Variants in SPINK14 observed in about 807,000 individuals in gnomAD.
The protein encoded by SPINK14 is serine protease inhibitor Kazal-type 14.
Under a neutral mutation model 14.2 loss-of-function variants are expected in SPINK14, and 6 were observed. The observed-to-expected ratio is 0.42, with a 90% CI of 0.23 to 0.83. The LOEUF is 0.83. Ranked by LOEUF, SPINK14 falls within the 40% of genes least tolerant of loss-of-function variation. The pLI is 0.28. For synonymous variants in SPINK14, 34 were observed against 36.8 expected (o/e 0.92, Z 0.27); for missense variants, 86 against 108.3 (o/e 0.79, Z 0.91).
chr5:148,169,936 T>G, intron 2 of SPINK14, 137 bp downstream of exon 2: 1 of 337,826 alleles, frequency 3.0e-6, no homozygotes, highest in Non-Finnish European at 5.0e-6. Context: ...ATATAAATTA[T>G]CCATTGACGT....
At chr5:148,172,443 C>T (rs1755117976) in intron 3 of SPINK14, among the ~76,000 whole-genome samples, 1 of 152,122 alleles carries the variant, frequency 6.6e-6, no homozygotes, top group Non-Finnish European at 1.5e-5. Context: ...ACTGTTCTTA[C>T]TCTTGTCTTT....
chr5:148,175,278 G>A (rs1307379303), intron 4 of SPINK14, 75 bp from the exon 5 acceptor site: 2 of 971,428 alleles, frequency 2.1e-6, no homozygotes, highest in Admixed American at 2.4e-5. Flanking sequence ...GTTTTAGATA[G>A]ATAATTTTAA....
At chr5:148,172,970 T>G (rs184413839) in intron 3 of SPINK14, among the ~76,000 whole-genome samples, 10 of 152,152 alleles carry the variant, frequency 6.6e-5, no homozygotes, top group African/African-American at 2.4e-4. Context: ...AAATACTTTT[T>G]TATAATGTGC....
At chr5:148,169,460 C>T (rs1755071859) in intron 1 of SPINK14, among the ~76,000 whole-genome samples, 1 of 152,086 alleles carries the variant, frequency 6.6e-6, no homozygotes, top group Non-Finnish European at 1.5e-5. Flanking sequence ...CTATGATTTA[C>T]TTCTGAGTAT....
chr5:148,170,368 A>G (rs1425651738), intron 2 of SPINK14, among the ~76,000 whole-genome samples: 2 of 152,014 alleles, frequency 1.3e-5, no homozygotes, highest in Non-Finnish European at 2.9e-5. Flanking sequence ...TAATATGCAT[A>G]CATGAGATCA....
At chr5:148,171,607 C>T (rs1375608246) in intron 3 of SPINK14, among the ~76,000 whole-genome samples, 1 of 152,120 alleles carries the variant, frequency 6.6e-6, no homozygotes, top group Non-Finnish European at 1.5e-5. Flanking sequence ...TTTTGATTCA[C>T]ATTTGCATCA....
chr5:148,168,588 G>A (rs946460101), intron 1 of SPINK14, among the ~76,000 whole-genome samples, 21 bp downstream of exon 1: 2 of 152,224 alleles, frequency 1.3e-5, no homozygotes, highest in South Asian at 2.1e-4. Flanking sequence ...TGTGACATGA[G>A]GGATGGAGAG....
Position 148,174,283 on chromosome 5 carries a change from T to C in SPINK14, c.161T>C (p.Val54Ala). ...AACTTGAGCTGGTACAATGGAACGG[T>C]CAACCCCTGCCCTGGCTTATATCAA... Reference protein sequence around the residue: ...KVNLSWYNGTVNPCPGLYQPI... With the variant: ...KVNLSWYNGTANPCPGLYQPI... The change falls in exon 4 of 5, where the codon GTC becomes GCC. Residue 54 changes from valine to alanine, a missense_variant. Physicochemically the swap from Val to Ala is moderately conservative, Grantham distance 64. Transcript: ENST00000356972. 9.0e-7 allele frequency: 1 copy of C among 1,113,810 alleles called. No individual in the cohort carries two copies. Among genetic ancestry groups the C allele is most frequent in the Non-Finnish European group, 1.2e-6 (1 of 810,534 alleles). 69.0% of individuals were successfully genotyped at this position (1,113,810 alleles called of 1,614,324 possible).
chr5:148,171,579 G>A (rs897758674), intron 3 of SPINK14, among the ~76,000 whole-genome samples: 1 of 152,114 alleles, frequency 6.6e-6, no homozygotes, highest in Non-Finnish European at 1.5e-5. Context: ...AAAGATGAAT[G>A]AGGGATTAAA....
At chr5:148,168,638 C>T (rs1755061354) in intron 1 of SPINK14, among the ~76,000 whole-genome samples, 71 bp downstream of exon 1, 1 of 145,452 alleles carries the variant, frequency 6.9e-6, no homozygotes, top group African/African-American at 2.4e-5. Context: ...CTGGCTGCAG[C>T]TGAACTTGTA....
At chr5:148,171,314 T>G (rs901986587) in intron 3 of SPINK14, among the ~76,000 whole-genome samples, 1 of 152,136 alleles carries the variant, frequency 6.6e-6, no homozygotes, top group Admixed American at 6.6e-5. Context: ...CACAGTCTGA[T>G]GGAAACAATG....
chr5:148,170,280 C>T (rs1053062197), intron 2 of SPINK14, among the ~76,000 whole-genome samples: 4 of 150,964 alleles, frequency 2.6e-5, no homozygotes, highest in Non-Finnish European at 5.9e-5. Context: ...TTTTGCATGC[C>T]GATTATGAGA....
Position 148,169,330 on chromosome 5 carries a change from C to CT in SPINK14, c.-72-322dup, listed in dbSNP as rs5872064. Among the ~76,000 whole-genome samples, 77 of 151,500 alleles carry CT rather than the reference C, an allele frequency of 5.1e-4. 2 individuals are homozygous for CT. In the South Asian group the frequency reaches 0.016, roughly 31 times the overall value. On this transcript the variant is annotated intron_variant, in intron 1 of 4. Coordinates refer to ENST00000356972, the MANE Select transcript of SPINK14 (RefSeq NM_001001325.2). ...TGTCTAGGGACCTCAATAGCCCCATCTTTTTTTTTGCATCCCCTCAAAAGA... is the reference window on the plus strand; with the variant it reads ...TGTCTAGGGACCTCAATAGCCCCATCTTTTTTTTTTGCATCCCCTCAAAAGA...
At chr5:148,171,078 A>AG in intron 3 of SPINK14, 105 bp downstream of exon 3, 1 of 1,043,524 alleles carries the variant, frequency 9.6e-7, no homozygotes, top group Non-Finnish European at 1.5e-6. Context: ...CACCCGTAAT[A>AG]GTCTTCAAGG....
At chr5:148,172,892 T>C (rs1254402781) in intron 3 of SPINK14, among the ~76,000 whole-genome samples, 1 of 151,964 alleles carries the variant, frequency 6.6e-6, no homozygotes, top group African/African-American at 2.4e-5. Context: ...GAAAGCAAGG[T>C]AGTATCAGGT....
chr5:148,174,968 T>C (rs1464905344), intron 4 of SPINK14, among the ~76,000 whole-genome samples: 1 of 152,122 alleles, frequency 6.6e-6, no homozygotes, highest in Non-Finnish European at 1.5e-5. Flanking sequence ...TTTGTAAATT[T>C]TGTGCAAGGA....
At position 148,169,787 on chromosome 5, in the gene SPINK14, G is replaced by C; in HGVS notation, c.55G>C (p.Val19Leu). Residue 19 changes from valine (V) to leucine (L), a missense_variant, in exon 2 of 5, where the codon GTG becomes CTG. Transcript: ENST00000356972. ...SLLSFILIHL[V>L]LSSVSGPRHW... ...TTTGTCCTTTATCTTGATACATTTGGTGTTATCTTCTGGTGAGTAATTTAG... is the reference window on the plus strand; with the variant it reads ...TTTGTCCTTTATCTTGATACATTTGCTGTTATCTTCTGGTGAGTAATTTAG... 1 of 1,610,688 alleles carries C rather than the reference G, an allele frequency of 6.2e-7. No individual in the cohort carries two copies.
Position 148,170,976 on chromosome 5 carries a change from A to G in SPINK14, c.111+3A>G, listed in dbSNP as rs2113280792. 6.2e-7 allele frequency: 1 copy of G among 1,612,098 alleles called. No individual in the cohort carries two copies. Among genetic ancestry groups the G allele is most frequent in the South Asian group, 1.1e-5 (1 of 90,986 alleles). ...GGCCACCACGTGGAATTATTAAGGT[A>G]ATGTTCCATTAAATTTCCCCCCAGG... On this transcript the variant is annotated splice_donor_region_variant and intron_variant, in intron 3 of 4. Transcript: ENST00000356972.
chr5:148,170,404 T>C (rs982503018), intron 2 of SPINK14, among the ~76,000 whole-genome samples: 11 of 152,126 alleles, frequency 7.2e-5, no homozygotes, highest in Non-Finnish European at 1.5e-5. Flanking sequence ...GAGTGTTTGA[T>C]TTGCTGTGTA....
Sources: gnomAD v4.1 joint callset for allele counts (sites outside exome capture counted in the v4.1 genomes callset) on GRCh38, gnomAD v4.1.1 for gene constraint, MANE v1.5 for transcripts, NCBI Gene and HGNC (gene_info 2026-07-23, HGNC 2026-07-21) for gene names.